The following GPR158 variants were observed in gnomAD, a reference collection of about 807,000 sequenced individuals.
GPR158 encodes the protein G protein-coupled receptor 158, also known as metabotropic glycine receptor.
A neutral mutation model predicts 78.2 loss-of-function variants in GPR158; 30 were observed. The ratio of observed to expected loss-of-function variants is 0.38; its 90% CI spans 0.29 to 0.52. The LOEUF (loss-of-function observed/expected upper bound fraction) is 0.52, where lower values mean the gene tolerates loss of function less well. Among genes scored for constraint, GPR158 ranks in the 20% least tolerant of loss-of-function variants. The pLI, the probability that GPR158 is intolerant of heterozygous loss-of-function variation, is 0.83. For synonymous variants in GPR158, 581 were observed against 591.1 expected, an observed-to-expected ratio of 0.98 and a Z score of 0.25; for missense variants, 1,463 against 1,523.5, an observed-to-expected ratio of 0.96 and a Z score of 0.66.
intron 2 of GPR158, among the ~76,000 whole-genome samples, chr10:25,308,363 C>T (rs1854713750): frequency 6.6e-6 from 1 of 152,100 alleles, no homozygotes; most frequent in Non-Finnish European, 1.5e-5. Flanking sequence ...CATGTGTTCT[C>T]ATTGTTTCCC....
chr10:25,246,472 G>A (rs1272508683), intron 2 of GPR158, among the ~76,000 whole-genome samples: 2 of 152,062 alleles, frequency 1.3e-5, no homozygotes, highest in Admixed American at 6.6e-5. Flanking sequence ...CTTCTGAGAC[G>A]GAGGCACCAC....
chr10:25,359,477 C>T (rs1350364109), intron 2 of GPR158, among the ~76,000 whole-genome samples: 2 of 152,050 alleles, frequency 1.3e-5, no homozygotes, highest in African/African-American at 2.4e-5. Flanking sequence ...TCTCATTGTT[C>T]AACTCCCACT....
chr10:25,345,733 C>T (rs369977936), intron 2 of GPR158, among the ~76,000 whole-genome samples: 1 of 151,804 alleles, frequency 6.6e-6, no homozygotes, highest in Non-Finnish European at 1.5e-5. Context: ...CAGCTATGGA[C>T]GATGTCTTAA....
At position 25,511,094 on chromosome 10, in the gene GPR158, T is replaced by C. The variant is rs116680870; in HGVS notation, c.1405-39882T>C. On this transcript the variant is annotated intron_variant, in intron 5 of 10. Transcript: ENST00000376351. ...GGATTGCTAGATCAAATGGTAGTTC[T>C]ACTTTTGTTCTTTAAGGACTTTCCA... 8.1e-3 allele frequency among the ~76,000 whole-genome samples: 1,240 copies of C among 152,330 alleles called. 15 individuals are homozygous for C. The highest frequency in any genetic ancestry group is 0.027 in the Middle Eastern group (8 of 294).
chr10:25,549,415 T>C (rs1836701854), intron 5 of GPR158, among the ~76,000 whole-genome samples: 1 of 152,144 alleles, frequency 6.6e-6, no homozygotes, highest in Non-Finnish European at 1.5e-5. Context: ...AATACAAATT[T>C]GTACAATTTT....
intron 4 of GPR158, among the ~76,000 whole-genome samples, chr10:25,433,133 G>C (rs1834935267): frequency 6.6e-6 from 1 of 152,150 alleles, no homozygotes; most frequent in South Asian, 2.1e-4. Context: ...ACTTGGGGAA[G>C]CTGGGATTTA....
chr10:25,254,945 A>G (rs948139542), intron 2 of GPR158, among the ~76,000 whole-genome samples: 1 of 152,210 alleles, frequency 6.6e-6, no homozygotes, highest in African/African-American at 2.4e-5. Context: ...AAATCAACAT[A>G]GAAAGTCTTC....
chr10:25,302,238 ATTTTTTTTT>A (rs58156960), intron 2 of GPR158, among the ~76,000 whole-genome samples: 8 of 133,974 alleles, frequency 6.0e-5, no homozygotes, highest in African/African-American at 1.6e-4. Flanking sequence ...TGCCTGGCTA[ATTTTTTTTT>A]TTTTTTTTTT....
intron 1 of GPR158, among the ~76,000 whole-genome samples, chr10:25,181,438 G>C (rs945035238): frequency 6.6e-6 from 1 of 152,114 alleles, no homozygotes; most frequent in African/African-American, 2.4e-5. Context: ...AAAGTCATTT[G>C]ACTTATAGTA....
intron 5 of GPR158, among the ~76,000 whole-genome samples, chr10:25,499,963 C>G (rs776697916): frequency 2.0e-5 from 3 of 152,164 alleles, no homozygotes; most frequent in Non-Finnish European, 2.9e-5. Flanking sequence ...ATTCCAAGTT[C>G]AATGAGAAGC....
intron 2 of GPR158, among the ~76,000 whole-genome samples, chr10:25,370,900 T>C (rs1331239484): frequency 6.6e-6 from 1 of 151,728 alleles, no homozygotes; most frequent in African/African-American, 2.4e-5. Context: ...TCTTGTTGAA[T>C]TGATCCCTTT....
At chr10:25,367,859 A>G (rs1833914202) in intron 2 of GPR158, among the ~76,000 whole-genome samples, 2 of 151,698 alleles carry the variant, frequency 1.3e-5, no homozygotes, top group Non-Finnish European at 2.9e-5. Flanking sequence ...TCTCTTCTGT[A>G]TATGTTTGCA....
intron 2 of GPR158, among the ~76,000 whole-genome samples, chr10:25,380,072 A>G (rs150203240): frequency 1.2e-4 from 19 of 152,058 alleles, no homozygotes; most frequent in African/African-American, 4.3e-4. Flanking sequence ...AACTGAGTTC[A>G]GTTTTGTTCT....
At chr10:25,493,075 C>T (rs1431444821) in intron 5 of GPR158, among the ~76,000 whole-genome samples, 1 of 151,928 alleles carries the variant, frequency 6.6e-6, no homozygotes, top group African/African-American at 2.4e-5. Context: ...AAGAGAAAAC[C>T]ACATTTTCTA....
At chr10:25,318,694 G>C (rs1407108873) in intron 2 of GPR158, among the ~76,000 whole-genome samples, 1 of 151,970 alleles carries the variant, frequency 6.6e-6, no homozygotes, top group African/African-American at 2.4e-5. Flanking sequence ...GTTTTTGAAG[G>C]ATATTTTGCA....
chr10:25,364,835 T>C (rs1855694824), intron 2 of GPR158, among the ~76,000 whole-genome samples: 1 of 151,776 alleles, frequency 6.6e-6, no homozygotes, highest in Admixed American at 6.6e-5. Flanking sequence ...ATGTGTTTGT[T>C]TTGGTGGTTA....
At chr10:25,566,742 A>G (rs915292303) in intron 6 of GPR158, among the ~76,000 whole-genome samples, 3 of 152,226 alleles carry the variant, frequency 2.0e-5, no homozygotes, top group Non-Finnish European at 4.4e-5. Flanking sequence ...ACCTATTTCT[A>G]TGCCAGTGAT....
intron 2 of GPR158, among the ~76,000 whole-genome samples, chr10:25,337,017 T>C (rs1381060941): frequency 1.3e-5 from 2 of 152,106 alleles, no homozygotes; most frequent in Admixed American, 1.3e-4. Flanking sequence ...AAATAAGTAA[T>C]TTATAACTGT....
intron 1 of GPR158, among the ~76,000 whole-genome samples, chr10:25,220,572 T>A (rs1207618973): frequency 6.6e-6 from 1 of 152,236 alleles, no homozygotes; most frequent in East Asian, 1.9e-4. Flanking sequence ...GTTATTAAAA[T>A]GAGAGATCAG....
Sources: gnomAD v4.1 joint callset for allele counts (sites outside exome capture counted in the v4.1 genomes callset) on GRCh38, gnomAD v4.1.1 for gene constraint, MANE v1.5 for transcripts, NCBI Gene and HGNC (gene_info 2026-07-23, HGNC 2026-07-21) for gene names.